Variants in CADM2 observed in about 807,000 individuals in gnomAD.
CADM2 encodes the protein cell adhesion molecule 2.
Under a neutral mutation model 49.8 loss-of-function variants are expected in CADM2, and 12 were observed. That is an observed-to-expected ratio of 0.24 (90% CI 0.15 to 0.39). The LOEUF (loss-of-function observed/expected upper bound fraction) is 0.39, where lower values mean the gene tolerates loss of function less well. Among genes scored for constraint, CADM2 ranks in the 10% least tolerant of loss-of-function variants. CADM2 has a pLI of 1.00. For synonymous variants in CADM2, 214 were observed against 175.4 expected, an observed-to-expected ratio of 1.22 and a Z score of -1.74; for missense variants, 378 against 492.3, an observed-to-expected ratio of 0.77 and a Z score of 2.20.
intron 3 of CADM2, among the ~76,000 whole-genome samples, chr3:85,854,164 G>C (rs2075215937): frequency 1.3e-5 from 2 of 152,130 alleles, no homozygotes; most frequent in Admixed American, 1.3e-4. Context: ...TGGCCATTCA[G>C]TAAGTAGATA....
intron 3 of CADM2, among the ~76,000 whole-genome samples, chr3:85,815,176 G>T (rs2073137312): frequency 6.6e-6 from 1 of 152,078 alleles, no homozygotes; most frequent in African/African-American, 2.4e-5. Context: ...ACAAAAAGGA[G>T]CTGGTACCAT....
At chr3:85,259,025 G>T (rs961608087) in intron 1 of CADM2, among the ~76,000 whole-genome samples, 2 of 152,140 alleles carry the variant, frequency 1.3e-5, no homozygotes, top group African/African-American at 4.8e-5. Flanking sequence ...CTGGCGTAAA[G>T]AAAGCATTTC....
At chr3:85,709,797 G>T (rs556733575) in intron 1 of CADM2, among the ~76,000 whole-genome samples, 2 of 152,192 alleles carry the variant, frequency 1.3e-5, no homozygotes, top group East Asian at 1.9e-4. Flanking sequence ...ATTTGGACTG[G>T]CATCTGCAGT....
At chr3:85,666,814 A>C (rs1577049859) in intron 1 of CADM2, among the ~76,000 whole-genome samples, 2 of 151,998 alleles carry the variant, frequency 1.3e-5, no homozygotes, top group East Asian at 3.9e-4. Flanking sequence ...GAAATGGAAA[A>C]ATGGCTGGGG....
intron 2 of CADM2, among the ~76,000 whole-genome samples, chr3:85,771,976 A>G (rs2070114925): frequency 1.3e-5 from 2 of 151,292 alleles, no homozygotes; most frequent in Non-Finnish European, 2.9e-5. Flanking sequence ...AACTTTCACA[A>G]GCTGCTGTAG....
chr3:86,038,504 C>T (rs1009768766), intron 8 of CADM2, among the ~76,000 whole-genome samples: 15 of 152,154 alleles, frequency 9.9e-5, no homozygotes, highest in African/African-American at 3.4e-4. Flanking sequence ...CTAACTCCTT[C>T]GAAACATGTC....
intron 1 of CADM2, among the ~76,000 whole-genome samples, chr3:85,388,665 G>C (rs1459017310): frequency 2.0e-5 from 3 of 152,086 alleles, no homozygotes; most frequent in Non-Finnish European, 4.4e-5. Context: ...ACATATGCTA[G>C]AATGATTAAT....
In CADM2 at chr3:85,972,965, T is replaced by A. The variant is rs549583535; in HGVS notation, c.970+11318T>A. Among the ~76,000 whole-genome samples, 14 of 151,902 alleles carry A rather than the reference T, an allele frequency of 9.2e-5. No individual in the cohort carries two copies. In the South Asian group the frequency reaches 2.9e-3, roughly 31 times the overall value. The stretch of plus-strand genomic sequence containing the variant: ...AGAGCTCTAACACTTTTAAAAACAC[T>A]GAAAACCTGCGTTTAGAATATAGAA... On this transcript the variant is annotated intron_variant, in intron 8 of 9. Transcript: ENST00000383699.
At chr3:85,938,612 G>A (rs1721461830) in intron 7 of CADM2, among the ~76,000 whole-genome samples, 1 of 151,982 alleles carries the variant, frequency 6.6e-6, no homozygotes, top group South Asian at 2.1e-4. Flanking sequence ...AGAATTCCCT[G>A]TTTTACTCAG....
In CADM2 at chr3:85,855,621, CATATATAT is replaced by C. The variant is rs142144366; in HGVS notation, c.239-27657_239-27650del. Among the ~76,000 whole-genome samples, 98 of 54,022 alleles carry C rather than the reference CATATATAT, an allele frequency of 1.8e-3. 1 individual carries two copies. Among genetic ancestry groups the C allele is most frequent in the Middle Eastern group, 9.3e-3 (1 of 108 alleles). The allele number at this position is 54,022 out of a possible 152,430, so 35.4% of individuals were successfully genotyped here. A position where few individuals can be genotyped will look rare whatever the true frequency, so the allele number is the denominator to read the frequency against. ...ATAAAACATATATATATATATAAAA[CATATATAT>C]ATATATATATATTTTGAGACGGAGT... On this transcript the variant is annotated intron_variant, in intron 3 of 9. Coordinates refer to ENST00000383699, the MANE Select transcript of CADM2 (RefSeq NM_001167675.2).
chr3:85,425,093 G>C, intron 1 of CADM2, among the ~76,000 whole-genome samples: 1 of 152,200 alleles, frequency 6.6e-6, no homozygotes, highest in Middle Eastern at 3.4e-3. Context: ...AAATGAAAGA[G>C]GTCACGAACA....
intron 1 of CADM2, among the ~76,000 whole-genome samples, chr3:85,577,168 A>G (rs933891947): frequency 1.3e-5 from 2 of 152,136 alleles, no homozygotes; most frequent in African/African-American, 4.8e-5. Flanking sequence ...TGCATTCACC[A>G]TTCATAAATT....
chr3:85,631,999 G>A (rs2064324002), intron 1 of CADM2, among the ~76,000 whole-genome samples: 2 of 152,110 alleles, frequency 1.3e-5, no homozygotes, highest in Admixed American at 6.6e-5. Flanking sequence ...ATTTTGCTAT[G>A]CTTTGCTTTT....
chr3:85,518,395 C>G (rs1261827650), intron 1 of CADM2, among the ~76,000 whole-genome samples: 1 of 151,620 alleles, frequency 6.6e-6, no homozygotes, highest in Admixed American at 6.6e-5. Flanking sequence ...CATATTCTTA[C>G]CAACATTTCG....
At chr3:85,346,456 G>A (rs907224745) in intron 1 of CADM2, among the ~76,000 whole-genome samples, 4 of 151,950 alleles carry the variant, frequency 2.6e-5, no homozygotes, top group South Asian at 2.1e-4. Flanking sequence ...ATCTTTAATA[G>A]CACATGTGAT....
chr3:85,194,812 A>ATTACAGTT (rs1401102115), intron 1 of CADM2, among the ~76,000 whole-genome samples: 1 of 152,074 alleles, frequency 6.6e-6, no homozygotes, highest in Non-Finnish European at 1.5e-5. Flanking sequence ...GATGCATAAT[A>ATTACAGTT]TTACAGTTTT....
intron 1 of CADM2, among the ~76,000 whole-genome samples, chr3:85,609,767 G>A (rs1466563775): frequency 6.6e-6 from 1 of 152,032 alleles, no homozygotes; most frequent in East Asian, 1.9e-4. Flanking sequence ...TGTTTATAAT[G>A]TTCAGTCAGC....
At chr3:85,772,944 G>A (rs1007886899) in intron 2 of CADM2, among the ~76,000 whole-genome samples, 11 of 145,426 alleles carry the variant, frequency 7.6e-5, no homozygotes, top group Admixed American at 3.5e-4. Context: ...AGCTAAAAAT[G>A]TGATCATTTT....
At chr3:85,353,894 T>A (rs996406054) in intron 1 of CADM2, among the ~76,000 whole-genome samples, 3 of 152,062 alleles carry the variant, frequency 2.0e-5, no homozygotes, top group Non-Finnish European at 4.4e-5. Context: ...GTGAAAATAT[T>A]TATCTTTCAA....
Sources: gnomAD v4.1 joint callset for allele counts (sites outside exome capture counted in the v4.1 genomes callset) on GRCh38, gnomAD v4.1.1 for gene constraint, MANE v1.5 for transcripts, NCBI Gene and HGNC (gene_info 2026-07-23, HGNC 2026-07-21) for gene names.